Variants in DSCAM observed in about 807,000 individuals in gnomAD.
DSCAM encodes cell adhesion molecule DSCAM.
Under a neutral mutation model 217.7 loss-of-function variants are expected in DSCAM, and 47 were observed. The ratio of observed to expected loss-of-function variants is 0.22; its 90% CI spans 0.17 to 0.28. DSCAM has a LOEUF of 0.28. Ranked by LOEUF, DSCAM falls within the 10% of genes least tolerant of loss-of-function variation. The pLI is 1.00. For synonymous variants in DSCAM, 1,056 were observed against 1,015.3 expected (o/e 1.04, Z -0.76); for missense variants, 2,080 against 2,618.3 (o/e 0.79, Z 4.49).
chr21:40,813,096 C>T (rs973837134), intron 1 of DSCAM, among the ~76,000 whole-genome samples: 3 of 152,066 alleles, frequency 2.0e-5, no homozygotes, highest in Admixed American at 6.5e-5. Flanking sequence ...CTTTGAAATA[C>T]GAGGAGAAAT....
intron 1 of DSCAM, among the ~76,000 whole-genome samples, chr21:40,710,663 A>T (rs73360416): frequency 0.054 from 8,254 of 152,292 alleles, 755 homozygotes; most frequent in African/African-American, 0.19. Flanking sequence ...TTAAGGGCCT[A>T]TAACAAGTGT....
intron 27 of DSCAM, among the ~76,000 whole-genome samples, chr21:40,073,598 A>G (rs1430019140): frequency 6.6e-6 from 1 of 152,196 alleles, no homozygotes; most frequent in African/African-American, 2.4e-5. Context: ...TGTTTTACTT[A>G]GCACTGAAGT....
chr21:40,485,317 A>C (rs2076017257), intron 3 of DSCAM, among the ~76,000 whole-genome samples: 1 of 138,928 alleles, frequency 7.2e-6, no homozygotes, highest in Non-Finnish European at 1.5e-5. Context: ...ATCTCGGCTC[A>C]CTGCAAGCTC....
At chr21:40,357,206 T>C (rs957184131) in intron 4 of DSCAM, among the ~76,000 whole-genome samples, 2 of 152,182 alleles carry the variant, frequency 1.3e-5, no homozygotes, top group African/African-American at 4.8e-5. Flanking sequence ...AGCAAAAACT[T>C]CATTGCTTCA....
intron 11 of DSCAM, among the ~76,000 whole-genome samples, chr21:40,254,524 T>C (rs1479660542): frequency 6.6e-6 from 1 of 152,174 alleles, no homozygotes; most frequent in Admixed American, 6.5e-5. Context: ...TTCCAACCAT[T>C]GAAAACAGAG....
chr21:40,337,832 C>CT (rs557055063), intron 8 of DSCAM, among the ~76,000 whole-genome samples: 21 of 152,088 alleles, frequency 1.4e-4, no homozygotes, highest in African/African-American at 4.3e-4. Flanking sequence ...TGATGTGCTC[C>CT]TTTTTTTTCT....
chr21:40,494,831 T>G (rs1052384898), intron 3 of DSCAM, among the ~76,000 whole-genome samples: 1 of 148,804 alleles, frequency 6.7e-6, no homozygotes, highest in African/African-American at 2.5e-5. Context: ...TGGGTTTTTT[T>G]TTTTCAAAAA....
intron 3 of DSCAM, among the ~76,000 whole-genome samples, chr21:40,656,025 T>C (rs2090071470): frequency 6.6e-6 from 1 of 152,044 alleles, no homozygotes; most frequent in Admixed American, 6.6e-5. Context: ...GCACTCCAGC[T>C]TGGGTGACAG....
chr21:40,069,087 G>GA (rs56406042), intron 27 of DSCAM, among the ~76,000 whole-genome samples: 1,789 of 124,750 alleles, frequency 0.014, 14 homozygotes, highest in Middle Eastern at 0.032. Flanking sequence ...CTCTGTCTCA[G>GA]AAAAAAAAAA....
chr21:40,629,076 G>T (rs867597013), intron 3 of DSCAM, among the ~76,000 whole-genome samples: 2 of 144,254 alleles, frequency 1.4e-5, no homozygotes, highest in African/African-American at 5.2e-5. Flanking sequence ...GTGTGTGTGT[G>T]GTGTGTGTGT....
chr21:40,670,003 G>A lies in DSCAM; in HGVS notation c.508+22807C>T, dbSNP rs549322861. 2.0e-5 allele frequency among the ~76,000 whole-genome samples: 3 copies of A among 150,948 alleles called. 1 individual carries two copies. Among genetic ancestry groups the A allele is most frequent in the Admixed American group, 2.0e-4 (3 of 15,190 alleles). ...CACACATCCTTTAAAAAAATACCAG[G>A]ACAAAATAATTATGATTATGATTTT... is the stretch of plus-strand genomic sequence containing the variant. On this transcript the variant is annotated intron_variant, in intron 3 of 32. Coordinates refer to ENST00000400454, the MANE Select transcript of DSCAM (RefSeq NM_001389.5).
chr21:40,493,832 C>T (rs2146018529), intron 3 of DSCAM, among the ~76,000 whole-genome samples: 1 of 141,470 alleles, frequency 7.1e-6, no homozygotes, highest in South Asian at 2.3e-4. Context: ...CATTGCACTC[C>T]AGCTTGGGCA....
intron 18 of DSCAM, among the ~76,000 whole-genome samples, chr21:40,137,175 A>G (rs1051439117): frequency 5.6e-5 from 7 of 125,240 alleles, no homozygotes; most frequent in African/African-American, 2.1e-4. Flanking sequence ...ACTCTGTCTC[A>G]AGGAAAAAAA....
intron 3 of DSCAM, among the ~76,000 whole-genome samples, chr21:40,512,462 A>T (rs1336196147): frequency 6.6e-6 from 1 of 152,126 alleles, no homozygotes; most frequent in Non-Finnish European, 1.5e-5. Context: ...CATGTGAATG[A>T]AGGAGCGAAA....
At chr21:40,519,197 G>A (rs2076339103) in intron 3 of DSCAM, among the ~76,000 whole-genome samples, 1 of 152,110 alleles carries the variant, frequency 6.6e-6, no homozygotes, top group South Asian at 2.1e-4. Flanking sequence ...GTAAATATAT[G>A]ACGGTGAGTG....
At chr21:40,220,121 A>T (rs16999522) in intron 11 of DSCAM, among the ~76,000 whole-genome samples, 5,912 of 152,256 alleles carry the variant, frequency 0.039, 260 homozygotes, top group African/African-American at 0.1. Flanking sequence ...GCAATATAAA[A>T]CTGCCTTTCA....
intron 11 of DSCAM, among the ~76,000 whole-genome samples, chr21:40,256,382 C>T (rs73368181): frequency 0.044 from 6,694 of 150,772 alleles, 388 homozygotes; most frequent in East Asian, 0.21. Context: ...GAAACAGAAC[C>T]AATAGGAGAG....
At chr21:40,321,451 G>A (rs781260932) in intron 8 of DSCAM, among the ~76,000 whole-genome samples, 22 of 152,096 alleles carry the variant, frequency 1.4e-4, no homozygotes, top group Non-Finnish European at 2.9e-4. Flanking sequence ...TAATAAAAGC[G>A]TTCCTAGTTG....
chr21:40,148,432 C>T (rs944447026), intron 16 of DSCAM, among the ~76,000 whole-genome samples: 1 of 152,082 alleles, frequency 6.6e-6, no homozygotes, highest in Admixed American at 6.5e-5. Flanking sequence ...ACAATTATGG[C>T]TACGGCTGCA....
Sources: gnomAD v4.1 joint callset for allele counts (sites outside exome capture counted in the v4.1 genomes callset) on GRCh38, gnomAD v4.1.1 for gene constraint, MANE v1.5 for transcripts, NCBI Gene and HGNC (gene_info 2026-07-23, HGNC 2026-07-21) for gene names.